CDH23: variants seen among roughly 807,000 people sequenced by gnomAD.
CDH23 encodes the protein cadherin related 23.
A neutral mutation model predicts 317.1 loss-of-function variants in CDH23; 189 were observed. The ratio of observed to expected loss-of-function variants is 0.60; its 90% CI spans 0.53 to 0.67. CDH23 has a LOEUF of 0.67. Ranked by LOEUF, CDH23 falls within the 30% of genes least tolerant of loss-of-function variation. The probability of loss-of-function intolerance (pLI) is 0.00; values close to 1 mark genes in which losing one functional copy is unlikely to be tolerated. For synonymous variants in CDH23, 1,839 were observed against 1,876.8 expected, an observed-to-expected ratio of 0.98 and a Z score of 0.52; for missense variants, 4,401 against 4,592.4, an observed-to-expected ratio of 0.96 and a Z score of 1.20.
chr10:71,803,129 C>T, intron 54 of CDH23, 54 bp downstream of exon 54: 3 of 1,600,956 alleles, frequency 1.9e-6, no homozygotes, highest in South Asian at 2.2e-5. Context: ...GAGGGGGAGG[C>T]CTGCCAGCCC....
Position 71,807,262 on chromosome 10 carries a change from C to A in CDH23, c.8179-15C>A. 6.2e-7 allele frequency: 1 copy of A among 1,611,392 alleles called. No homozygotes were observed. The highest frequency in any genetic ancestry group is 1.1e-5 in the South Asian group (1 of 90,932). On this transcript the variant is annotated splice_polypyrimidine_tract_variant and intron_variant, in intron 57 of 69. Transcript: ENST00000224721. ...TCCCTTGGCCCCATGTGATGACATCCCCCTCCCTCTGCAGAAAGGCAGCCC... is the reference window on the plus strand; with the variant it reads ...TCCCTTGGCCCCATGTGATGACATCACCCTCCCTCTGCAGAAAGGCAGCCC...
intron 9 of CDH23, among the ~76,000 whole-genome samples, chr10:71,604,478 C>G (rs1564682038): frequency 6.6e-6 from 1 of 152,258 alleles, no homozygotes; most frequent in East Asian, 1.9e-4. Flanking sequence ...CAGTCCATGC[C>G]CTCGTCACCA....
Position 71,705,102 on chromosome 10 carries a change from G to A in CDH23, c.2925G>A (p.Lys975=), listed in dbSNP as rs368762730. The change falls in exon 25 of 70, where the codon AAG becomes AAA. Residue 975 remains lysine, a synonymous_variant. Coordinates refer to ENST00000224721, the MANE Select transcript of CDH23 (RefSeq NM_022124.6). ...CCAGTGATGCAGGCACGCCCACCAA[G>A]AGCTCCACCAGCACGCTCACCATCC... ...VVASDAGTPT[K]SSTSTLTIHV... The A allele has an allele frequency of 2.4e-5, 38 of 1,611,448 alleles. No individual in the cohort carries two copies. Among genetic ancestry groups the A allele is most frequent in the Non-Finnish European group, 2.9e-5 (34 of 1,179,290 alleles).
At position 71,493,296 on chromosome 10, in the gene CDH23, C is replaced by T. The variant is rs796148100; in HGVS notation, c.146-16786C>T. Among the ~76,000 whole-genome samples the T allele has an allele frequency of 9.8e-5, 15 of 152,306 alleles. 1 individual carries two copies. The highest frequency in any genetic ancestry group is 2.9e-4 in the African/African-American group (12 of 41,562). On this transcript the variant is annotated intron_variant, in intron 3 of 69. Coordinates refer to ENST00000224721, the MANE Select transcript of CDH23 (RefSeq NM_022124.6). Reference sequence around the variant, plus strand: ...GAAGCAGAGAGGCCCAGGTTCCCCACCCATGAGGTGGTGACTTGCAAGCTG... The same window carrying T: ...GAAGCAGAGAGGCCCAGGTTCCCCATCCATGAGGTGGTGACTTGCAAGCTG...
rs183213976 is a variant in CDH23 at position 71,733,033 on chromosome 10, A to G, written c.4104+658A>G. Among the ~76,000 whole-genome samples the G allele has an allele frequency of 1.4e-3, 208 of 152,232 alleles. 1 individual carries two copies. Among genetic ancestry groups the G allele is most frequent in the Middle Eastern group, 3.4e-3 (1 of 294 alleles). Reference sequence around the variant, plus strand: ...AAAACTGCCTCCACTTCAGCTGCCAATCACAACCTCTAGGTTGTTTGACCC... The same window carrying G: ...AAAACTGCCTCCACTTCAGCTGCCAGTCACAACCTCTAGGTTGTTTGACCC... On this transcript the variant is annotated intron_variant, in intron 32 of 69. Transcript: ENST00000224721.
At chr10:71,443,178 G>A (rs1221501113) in intron 2 of CDH23, among the ~76,000 whole-genome samples, 5 of 152,200 alleles carry the variant, frequency 3.3e-5, no homozygotes, top group South Asian at 4.1e-4. Flanking sequence ...CTGGGGAGGC[G>A]ACCGGGGCTT....
intron 9 of CDH23, among the ~76,000 whole-genome samples, chr10:71,583,350 G>A (rs1395453469): frequency 8.6e-5 from 13 of 151,960 alleles, no homozygotes; most frequent in Admixed American, 7.9e-4. Flanking sequence ...GGTCCTGGGA[G>A]CAGCAGGGGG....
At chr10:71,532,612 A>C (rs1005513687) in intron 6 of CDH23, among the ~76,000 whole-genome samples, 1 of 151,968 alleles carries the variant, frequency 6.6e-6, no homozygotes, top group African/African-American at 2.4e-5. Flanking sequence ...AGACTCAGGC[A>C]ACCTGACCTT....
rs534193134 is a variant in CDH23, at chr10:71,550,725, C to G, written c.430-16017C>G. Among the ~76,000 whole-genome samples, 28 of 152,284 alleles carry G rather than the reference C, an allele frequency of 1.8e-4. No homozygotes were observed. In the South Asian group the frequency reaches 5.6e-3, roughly 30 times the overall value. Reference sequence around the variant, plus strand: ...TGCTGTTACTCTTTCCCCCACCGTCCCATCCTCAAGGCCACTGAGTGTACA... The same window carrying G: ...TGCTGTTACTCTTTCCCCCACCGTCGCATCCTCAAGGCCACTGAGTGTACA... On this transcript the variant is annotated intron_variant, in intron 6 of 69. Transcript: ENST00000224721.
chr10:71,646,493 G>C lies in CDH23; in HGVS notation c.1325G>C (p.Gly442Ala). 1.2e-6 allele frequency: 2 copies of C among 1,613,842 alleles called. No individual in the cohort carries two copies. The highest frequency in any genetic ancestry group is 8.5e-7 in the Non-Finnish European group (1 of 1,179,848). ...AATGAGAGTGTGCCTGACCATGTGG[G>C]CTATGCCAAGGTGAAGATCACTCTC... The part of the protein sequence containing the change: ...FANESVPDHV[G>A]YAKVKITLIN... The change falls in exon 14 of 70, where the codon GGC becomes GCC. Residue 442 changes from glycine to alanine, a missense_variant. Physicochemically the swap from Gly to Ala is moderately conservative, Grantham distance 60. Coordinates refer to ENST00000224721, the MANE Select transcript of CDH23 (RefSeq NM_022124.6).
intron 47 of CDH23, among the ~76,000 whole-genome samples, chr10:71,792,835 AAAAAAAAAAAAAAAAAAAT>A (rs1431207781): frequency 3.2e-4 from 26 of 80,126 alleles, no homozygotes; most frequent in African/African-American, 1.4e-3. Flanking sequence ...AAAAAAAAAA[AAAAAAAAAAAAAAAAAAAT>A]ATATATATAT....
At chr10:71,510,362 T>C (rs1316719429) in intron 4 of CDH23, 138 bp downstream of exon 4, 14 of 995,386 alleles carry the variant, frequency 1.4e-5, no homozygotes, top group Middle Eastern at 3.3e-4. Flanking sequence ...CCTGCCTGAA[T>C]GGTATTCCTC....
rs1313316497 is a variant in CDH23, at chr10:71,566,800, CA to C, written c.489del (p.Gly165AlafsTer25). The C allele has an allele frequency of 1.2e-6, 2 of 1,613,062 alleles. No individual in the cohort carries two copies. Among genetic ancestry groups the C allele is most frequent in the African/African-American group, 2.7e-5 (2 of 74,910 alleles). ...IVNATDPDLG[A>X]GGSVLYSFQP... Reference sequence around the variant, plus strand: ...AATGCCACAGACCCCGACTTGGGGGCAGGGGGCAGCGTCCTCTACTCCTTCC... The same window carrying C: ...AATGCCACAGACCCCGACTTGGGGGCGGGGGCAGCGTCCTCTACTCCTTCC... On this transcript the variant is annotated frameshift_variant, in exon 7 of 70. Transcript: ENST00000224721. LOFTEE classifies it high-confidence loss of function.
chr10:71,504,840 G>C (rs1853545293), intron 3 of CDH23, among the ~76,000 whole-genome samples: 2 of 152,232 alleles, frequency 1.3e-5, no homozygotes, highest in African/African-American at 2.4e-5. Flanking sequence ...GTTGATGCCT[G>C]TACTGTGCCT....
At chr10:71,813,936 C>A (rs1207977120) in intron 69 of CDH23, among the ~76,000 whole-genome samples, 1 of 152,130 alleles carries the variant, frequency 6.6e-6, no homozygotes, top group Non-Finnish European at 1.5e-5. Context: ...AACTGGCCGT[C>A]AGGGTCAAAT....
At position 71,646,873 on chromosome 10, in the gene CDH23, T is replaced by A. The variant is rs1317998268; in HGVS notation, c.1449+256T>A. 4 of 1,436,328 alleles carry A rather than the reference T, an allele frequency of 2.8e-6. No individual in the cohort carries two copies. The East Asian group carries it at 7.5e-5, about 27-fold the overall frequency. The allele number at this position is 1,436,328 out of a possible 1,614,324, so 89.0% of individuals were successfully genotyped here. A position where few individuals can be genotyped will look rare whatever the true frequency, so the allele number is the denominator to read the frequency against. On this transcript the variant is annotated intron_variant, in intron 14 of 69. Transcript: ENST00000224721. The stretch of plus-strand genomic sequence containing the variant: ...GAGCTGAGGACACTGGTTTTCTGCC[T>A]TTCCCCGAGAGAGACTCAGTGAGGG...
intron 11 of CDH23, among the ~76,000 whole-genome samples, chr10:71,624,583 C>A (rs1471056387): frequency 3.3e-5 from 5 of 152,042 alleles, no homozygotes; most frequent in Admixed American, 3.3e-4. Context: ...ACCTGTAGTC[C>A]CAGCTACTTG....
At chr10:71,584,539 A>AGTGTGTGTGTGTGT (rs1220273681) in intron 9 of CDH23, among the ~76,000 whole-genome samples, 1 of 55,636 alleles carries the variant, frequency 1.8e-5, no homozygotes, top group African/African-American at 4.9e-5. Flanking sequence ...TTTGAAGGGA[A>AGTGTGTGTGTGTGT]GTCTGTGTGT....
chr10:71,615,700 C>CT (rs1861146048), intron 10 of CDH23, 84 bp downstream of exon 10: 1 of 952,496 alleles, frequency 1.0e-6, no homozygotes, highest in East Asian at 2.6e-5. Context: ...CCGAGGGCTC[C>CT]TGCCCCCGGT....
Sources: allele counts gnomAD v4.1 joint callset (sites outside exome capture counted in the v4.1 genomes callset), GRCh38; gene constraint gnomAD v4.1.1; transcripts MANE v1.5; gene names NCBI Gene and HGNC (gene_info 2026-07-23, HGNC 2026-07-21).